The following PARP1 variants were observed in gnomAD, a reference collection of about 807,000 sequenced individuals.
PARP1 encodes the protein poly [ADP-ribose] polymerase 1.
Under a neutral mutation model 118.7 loss-of-function variants are expected in PARP1, and 44 were observed. The ratio of observed to expected loss-of-function variants is 0.37; its 90% CI spans 0.29 to 0.48. PARP1 has a LOEUF of 0.48. Among genes scored for constraint, PARP1 ranks in the 20% least tolerant of loss-of-function variants. The pLI, the probability that PARP1 is intolerant of heterozygous loss-of-function variation, is 0.99. For synonymous variants in PARP1, 492 were observed against 483.2 expected (o/e 1.02, Z -0.24); for missense variants, 1,100 against 1,272.4 (o/e 0.86, Z 2.06).
At chr1:226,380,197 A>C (rs1204175952) in intron 9 of PARP1, 33 bp from the exon 10 acceptor site, 2 of 1,609,786 alleles carry the variant, frequency 1.2e-6, no homozygotes, top group Non-Finnish European at 1.7e-6. Flanking sequence ...AAACCAAAAT[A>C]CAAGTTTAAA....
intron 1 of PARP1, among the ~76,000 whole-genome samples, chr1:226,403,715 C>G (rs1665083891): frequency 6.6e-6 from 1 of 152,220 alleles, no homozygotes; most frequent in Non-Finnish European, 1.5e-5. Flanking sequence ...TCCCACCACA[C>G]TCCACTGCCC....
intron 1 of PARP1, among the ~76,000 whole-genome samples, chr1:226,406,848 T>C (rs987877775): frequency 2.6e-5 from 4 of 152,170 alleles, no homozygotes; most frequent in Admixed American, 2.6e-4. Context: ...TTGTACTAAG[T>C]ACTGAAAATC....
chr1:226,399,324 C>T (rs1224705511), intron 2 of PARP1, among the ~76,000 whole-genome samples: 2 of 151,974 alleles, frequency 1.3e-5, no homozygotes, highest in Non-Finnish European at 2.9e-5. Context: ...CTGGGCTCGG[C>T]CTCCCAAAGT....
intron 7 of PARP1, among the ~76,000 whole-genome samples, chr1:226,385,045 A>AT (rs2102738194): frequency 6.6e-6 from 1 of 152,322 alleles, no homozygotes; most frequent in African/African-American, 2.4e-5. Context: ...TGAGAATTCC[A>AT]TAAGCAGTTC....
chr1:226,407,715 G>A, intron 1 of PARP1, 95 bp downstream of exon 1: 2 of 1,297,726 alleles, frequency 1.5e-6, no homozygotes, highest in Non-Finnish European at 2.1e-6. Flanking sequence ...GCCCGGGCCC[G>A]CTCGCTCCCT....
intron 13 of PARP1, among the ~76,000 whole-genome samples, chr1:226,376,397 T>C (rs1320264281): frequency 6.6e-6 from 1 of 152,184 alleles, no homozygotes; most frequent in Non-Finnish European, 1.5e-5. Flanking sequence ...GAGACAGCAC[T>C]AGGAAATAAT....
At chr1:226,399,352 G>C (rs1664983808) in intron 2 of PARP1, among the ~76,000 whole-genome samples, 1 of 151,986 alleles carries the variant, frequency 6.6e-6, no homozygotes, top group Admixed American at 6.6e-5. Flanking sequence ...TTACAGATGT[G>C]AGCCACCGTG....
intron 11 of PARP1, 47 bp downstream of exon 11, chr1:226,379,526 G>T (rs540974045): frequency 2.0e-6 from 3 of 1,482,582 alleles, no homozygotes; most frequent in Admixed American, 3.4e-5. Flanking sequence ...TCAGCTGGGG[G>T]TTGGGGGGCG....
chr1:226,379,563 G>GTT lies in PARP1; in HGVS notation c.1612+8_1612+9dup. 1 of 1,610,306 alleles carries GTT rather than the reference G, an allele frequency of 6.2e-7. No individual in the cohort carries two copies. Among genetic ancestry groups the GTT allele is most frequent in the Non-Finnish European group, 8.5e-7 (1 of 1,176,844 alleles). Reference sequence around the variant, plus strand: ...CACAGCCCACTTTGCTGGCAGTCCTGTTTGCTTACCAGAATCAGGATCCAC... The same window carrying GTT: ...CACAGCCCACTTTGCTGGCAGTCCTGTTTTTGCTTACCAGAATCAGGATCCAC... On this transcript the variant is annotated intron_variant, in intron 11 of 22. Coordinates refer to ENST00000366794, the MANE Select transcript of PARP1 (RefSeq NM_001618.4).
intron 6 of PARP1, 41 bp downstream of exon 6, chr1:226,386,285 G>T: frequency 8.4e-7 from 1 of 1,192,182 alleles, no homozygotes; most frequent in South Asian, 1.2e-5. Context: ...CGACGGGGTC[G>T]GCCTCACATG....
chr1:226,366,707 G>A (rs1664271310), intron 17 of PARP1: 1 of 156,520 alleles, frequency 6.4e-6, no homozygotes, highest in African/African-American at 2.4e-5. Context: ...CCATCAGGAA[G>A]GTGCTCTAGG....
rs1213588859 is a variant in PARP1 at position 226,361,141 on chromosome 1, C to T, written c.*319G>A. Reference sequence around the variant, plus strand: ...TGGGGAAACCAGTAAGGCAGACATTCTAACGAAGCTTGGTTTTTTCCATAG... The same window carrying T: ...TGGGGAAACCAGTAAGGCAGACATTTTAACGAAGCTTGGTTTTTTCCATAG... On this transcript the variant is annotated 3_prime_UTR_variant, in exon 23 of 23. Transcript: ENST00000366794. 10 of 408,868 alleles carry T rather than the reference C, an allele frequency of 2.4e-5. No individual in the cohort carries two copies. In the East Asian group the frequency reaches 4.0e-4, roughly 16 times the overall value. 25.3% of individuals were successfully genotyped at this position (408,868 alleles called of 1,614,324 possible).
chr1:226,367,874 CA>C (rs1185630929), intron 16 of PARP1, among the ~76,000 whole-genome samples: 2 of 152,166 alleles, frequency 1.3e-5, no homozygotes, highest in Non-Finnish European at 2.9e-5. Context: ...TTGGGACCTA[CA>C]GTGAAGGTAC....
chr1:226,392,762 G>T lies in PARP1; in HGVS notation c.287-448C>A, dbSNP rs539436205. 5 of 593,882 alleles carry T rather than the reference G, an allele frequency of 8.4e-6. No homozygotes were observed. In the East Asian group the frequency reaches 8.9e-5, roughly 11 times the overall value. The allele number at this position is 593,882 out of a possible 1,614,324, so 36.8% of individuals were successfully genotyped here. A position where few individuals can be genotyped will look rare whatever the true frequency, so the allele number is the denominator to read the frequency against. On this transcript the variant is annotated intron_variant, in intron 2 of 22. Transcript: ENST00000366794. Reference sequence around the variant, plus strand: ...ATAAGTCAGACACAAGTATATGTAAGAATTAAATATGTACTAAAGGTATCA... The same window carrying T: ...ATAAGTCAGACACAAGTATATGTAATAATTAAATATGTACTAAAGGTATCA...
chr1:226,407,800 C>A lies in PARP1; in HGVS notation c.120+10G>T. 1 of 1,557,974 alleles carries A rather than the reference C, an allele frequency of 6.4e-7. No individual in the cohort carries two copies. Among genetic ancestry groups the A allele is most frequent in the Non-Finnish European group, 8.7e-7 (1 of 1,151,184 alleles). ...CGTCCCCGCCCCGCCGCCCGCACAG[C>A]GGCCCGCACCTGCACCATGATGGCC... On this transcript the variant is annotated intron_variant, in intron 1 of 22. Coordinates refer to ENST00000366794, the MANE Select transcript of PARP1 (RefSeq NM_001618.4).
intron 12 of PARP1, among the ~76,000 whole-genome samples, chr1:226,378,158 A>C (rs1664531658): frequency 6.6e-6 from 1 of 152,168 alleles, no homozygotes; most frequent in African/African-American, 2.4e-5. Flanking sequence ...TAACACCAGG[A>C]AATCTAAGCC....
rs1241257182 is a variant in PARP1 at position 226,385,671 on chromosome 1, G to T, written c.844C>A (p.Arg282=). 2 of 1,614,062 alleles carry T rather than the reference G, an allele frequency of 1.2e-6. No homozygotes were observed. Among genetic ancestry groups the T allele is most frequent in the South Asian group, 2.2e-5 (2 of 91,070 alleles). Residue 282 remains arginine, a synonymous_variant, in exon 7 of 23, where the codon CGA becomes AGA. Transcript: ENST00000366794. Reference sequence around the variant, plus strand: ...CCGAACACCATGCCATCAGCTACTCGGTCCAAGATCTGCAGCCAGTGGAGA... The same window carrying T: ...CCGAACACCATGCCATCAGCTACTCTGTCCAAGATCTGCAGCCAGTGGAGA... The part of the protein sequence containing the change: ...VPSGESAILD[R]VADGMVFGAL...
chr1:226,387,389 G>C (rs903750771), intron 5 of PARP1, among the ~76,000 whole-genome samples: 2 of 152,172 alleles, frequency 1.3e-5, no homozygotes, highest in Non-Finnish European at 2.9e-5. Flanking sequence ...AAATGGGCAA[G>C]TTATTCGCCA....
chr1:226,368,302 C>T lies in PARP1; in HGVS notation c.2174G>A (p.Ser725Asn), dbSNP rs2102728931. The T allele has an allele frequency of 1.2e-6, 2 of 1,614,192 alleles. No homozygotes were observed. The highest frequency in any genetic ancestry group is 1.6e-4 in the Middle Eastern group (1 of 6,062). Residue 725 changes from serine to asparagine, a missense_variant, in exon 16 of 23, where the codon AGC (serine) becomes AAC (asparagine). Transcript: ENST00000366794. ...TGAGAGATCCAGGATCTGAGAGTCG[C>T]TGCTGCCCTGAGACACCGCCTGGAG... The part of the protein sequence containing the change: ...EVQQAVSQGS[S>N]DSQILDLSNR...
Sources: allele counts gnomAD v4.1 joint callset (sites outside exome capture counted in the v4.1 genomes callset), GRCh38; gene constraint gnomAD v4.1.1; transcripts MANE v1.5; gene names NCBI Gene and HGNC (gene_info 2026-07-23, HGNC 2026-07-21).